MLLT10: variants seen among roughly 807,000 people sequenced by gnomAD.
MLLT10 encodes the protein MLLT10 histone lysine methyltransferase DOT1L cofactor.
Under a neutral mutation model 129.1 loss-of-function variants are expected in MLLT10, and 30 were observed. The observed-to-expected ratio is 0.23, with a 90% CI of 0.17 to 0.32. MLLT10 has a LOEUF of 0.32. Among genes scored for constraint, MLLT10 ranks in the 10% least tolerant of loss-of-function variants. The pLI is 1.00. For missense variants in MLLT10, 1,119 were observed against 1,268.3 expected (o/e 0.88, Z 1.79); for synonymous variants, 490 against 446.4 (o/e 1.10, Z -1.23).
At chr10:21,595,177 TCAAG>T (rs2042926126) in intron 4 of MLLT10, among the ~76,000 whole-genome samples, 150 bp from the exon 5 acceptor site, 1 of 152,218 alleles carries the variant, frequency 6.6e-6, no homozygotes, top group Non-Finnish European at 1.5e-5. Context: ...TTGAGTATTC[TCAAG>T]CAATGGAAGT....
intron 13 of MLLT10, among the ~76,000 whole-genome samples, chr10:21,687,523 AACAG>A (rs1465118396): frequency 6.6e-6 from 1 of 152,214 alleles, no homozygotes; most frequent in Non-Finnish European, 1.5e-5. Context: ...TTTTAATCAC[AACAG>A]ACATTTTTTC....
chr10:21,662,094 T>C (rs1269758946), intron 9 of MLLT10, among the ~76,000 whole-genome samples: 1 of 152,176 alleles, frequency 6.6e-6, no homozygotes, highest in Non-Finnish European at 1.5e-5. Flanking sequence ...AATTCAGATA[T>C]CATTCTTACA....
rs1341058406 is a variant in MLLT10, at chr10:21,556,601, T to C, written c.240+17689T>C. On this transcript the variant is annotated intron_variant, in intron 3 of 22. Transcript: ENST00000307729. ...AGGGCAGGTGAGAGCCAGTTACGCG[T>C]TAGTATGTAGTGAATAAGGGATTGT... 5 of 1,505,788 alleles carry C rather than the reference T, an allele frequency of 3.3e-6. No homozygotes were observed. The South Asian group carries it at 6.0e-5, about 18-fold the overall frequency. The allele number at this position is 1,505,788 out of a possible 1,614,324, so 93.3% of individuals were successfully genotyped here.
intron 11 of MLLT10, among the ~76,000 whole-genome samples, chr10:21,676,290 G>A (rs1461429087): frequency 1.3e-5 from 2 of 152,024 alleles, no homozygotes; most frequent in Admixed American, 1.3e-4. Context: ...GGTGGCGGGT[G>A]CCTGTAGTCC....
In MLLT10 at chr10:21,742,090, A is replaced by G; in HGVS notation, c.*107A>G. On this transcript the variant is annotated 3_prime_UTR_variant, in exon 23 of 23. Coordinates refer to ENST00000307729, the MANE Select transcript of MLLT10 (RefSeq NM_001195626.3). ...TATGAAGAAACGCAACAAGAAACTC[A>G]ATGCACAACAAAGGATTAATTGCTG... is the stretch of plus-strand genomic sequence containing the variant. The G allele has an allele frequency of 2.1e-6, 2 of 946,166 alleles. No individual in the cohort carries two copies. Among genetic ancestry groups the G allele is most frequent in the African/African-American group, 1.7e-5 (1 of 60,436 alleles). The allele number at this position is 946,166 out of a possible 1,614,324, so 58.6% of individuals were successfully genotyped here. A position where few individuals can be genotyped will look rare whatever the true frequency, so the allele number is the denominator to read the frequency against.
chr10:21,557,090 G>T, intron 3 of MLLT10: 3 of 1,406,134 alleles, frequency 2.1e-6, no homozygotes, highest in Non-Finnish European at 2.8e-6. Context: ...ATCATCTCAT[G>T]AATTCTGCTT....
chr10:21,605,031 C>A (rs1298334389), intron 5 of MLLT10, among the ~76,000 whole-genome samples: 2 of 151,018 alleles, frequency 1.3e-5, no homozygotes, highest in African/African-American at 4.9e-5. Context: ...GATTATTGCA[C>A]CTGTGAACAG....
intron 8 of MLLT10, among the ~76,000 whole-genome samples, chr10:21,636,029 C>T (rs1464910267): frequency 6.7e-6 from 1 of 148,564 alleles, no homozygotes; most frequent in East Asian, 2.1e-4. Flanking sequence ...TACCCAAATT[C>T]AGCACTTAAC....
chr10:21,579,631 C>T (rs575465854), intron 3 of MLLT10, among the ~76,000 whole-genome samples: 56 of 150,022 alleles, frequency 3.7e-4, no homozygotes, highest in African/African-American at 1.2e-3. Context: ...GGTGCGATCT[C>T]GGCTCAACAC....
chr10:21,667,263 A>G (rs925218361), intron 9 of MLLT10, among the ~76,000 whole-genome samples: 11 of 151,790 alleles, frequency 7.2e-5, no homozygotes, highest in Admixed American at 2.6e-4. Flanking sequence ...TTTCCTCTTT[A>G]TCATTGGTTT....
intron 20 of MLLT10, among the ~76,000 whole-genome samples, chr10:21,734,921 C>T (rs1220030390): frequency 6.6e-6 from 1 of 152,108 alleles, no homozygotes; most frequent in Non-Finnish European, 1.5e-5. Flanking sequence ...ATAATAAAAA[C>T]ATTTCTTGAC....
At chr10:21,731,928 G>T (rs909853624) in intron 17 of MLLT10, among the ~76,000 whole-genome samples, 16 of 152,134 alleles carry the variant, frequency 1.1e-4, no homozygotes, top group African/African-American at 3.9e-4. Context: ...GGTATTTTAT[G>T]AATGGTACCC....
intron 11 of MLLT10, among the ~76,000 whole-genome samples, chr10:21,676,860 AT>A (rs1453685311): frequency 2.0e-5 from 3 of 151,840 alleles, no homozygotes; most frequent in East Asian, 3.9e-4. Flanking sequence ...GTTAATAAAC[AT>A]TTTAGGACTT....
At chr10:21,590,066 TG>T (rs1413522593) in intron 4 of MLLT10, among the ~76,000 whole-genome samples, 2 of 152,090 alleles carry the variant, frequency 1.3e-5, no homozygotes, top group Non-Finnish European at 2.9e-5. Flanking sequence ...CCTGAATAGG[TG>T]GGACCACAGG....
chr10:21,688,519 G>A (rs2053519014), intron 13 of MLLT10: 1 of 1,612,604 alleles, frequency 6.2e-7, no homozygotes, highest in South Asian at 1.1e-5. Context: ...CACTAACAAA[G>A]CAAGAACTTA....
chr10:21,621,251 T>C (rs758470631), intron 8 of MLLT10, among the ~76,000 whole-genome samples: 139 of 126,786 alleles, frequency 1.1e-3, no homozygotes, highest in South Asian at 9.1e-3. Flanking sequence ...CCCGCTCCCC[T>C]TTTTTTTTTT....
intron 14 of MLLT10, among the ~76,000 whole-genome samples, chr10:21,717,640 TTTCCTCCTCCTC>T (rs1564710672): frequency 0.014 from 503 of 36,440 alleles, 8 homozygotes; most frequent in Non-Finnish European, 0.021. Flanking sequence ...TCCTCCTCCT[TTTCCTCCTCCTC>T]TTCCTCCTCC....
At chr10:21,709,824 A>AC (rs2055901527) in intron 13 of MLLT10, among the ~76,000 whole-genome samples, 1 of 151,408 alleles carries the variant, frequency 6.6e-6, no homozygotes, top group South Asian at 2.1e-4. Flanking sequence ...CTCAATCTCA[A>AC]CCTCCCAGGC....
At chr10:21,670,981 G>C (rs1003526423) in intron 10 of MLLT10, 2 of 295,444 alleles carry the variant, frequency 6.8e-6, no homozygotes. Context: ...TAAAATTGGG[G>C]AGAAAAATAA....
Sources: allele counts gnomAD v4.1 joint callset (sites outside exome capture counted in the v4.1 genomes callset), GRCh38; gene constraint gnomAD v4.1.1; transcripts MANE v1.5; gene names NCBI Gene and HGNC (gene_info 2026-07-23, HGNC 2026-07-21).